The following NEK11 variants were observed in gnomAD, a reference collection of about 807,000 sequenced individuals.
The protein encoded by NEK11 is NIMA related kinase 11.
A neutral mutation model predicts 80.7 loss-of-function variants in NEK11; 72 were observed. That is an observed-to-expected ratio of 0.89 (90% confidence interval 0.74 to 1.08). The LOEUF (loss-of-function observed/expected upper bound fraction) is 1.08, where lower values mean the gene tolerates loss of function less well. Among genes scored for constraint, NEK11 ranks in the 50% least tolerant of loss-of-function variants. The pLI is 0.00. For missense variants in NEK11, 764 were observed against 763.6 expected, an observed-to-expected ratio of 1.00 and a Z score of -0.01; for synonymous variants, 251 against 260.7, an observed-to-expected ratio of 0.96 and a Z score of 0.36.
chr3:131,165,946 T>C (rs2092178335), intron 12 of NEK11, among the ~76,000 whole-genome samples: 1 of 152,250 alleles, frequency 6.6e-6, no homozygotes, highest in Non-Finnish European at 1.5e-5. Context: ...TTGTTGTACA[T>C]TGTGTTAATA....
chr3:131,168,607 C>T lies in NEK11; in HGVS notation c.1177-223C>T, dbSNP rs997941416. On this transcript the variant is annotated intron_variant, in intron 12 of 17. Transcript: ENST00000383366. ...TCCTGACCTCGTGATCCGCCCGCCT[C>T]GGCCTCCCAAAGTGCTGGGATTACA... 2.5e-4 allele frequency among the ~76,000 whole-genome samples: 38 copies of T among 151,916 alleles called. 1 individual carries two copies. The highest frequency in any genetic ancestry group is 2.9e-4 in the African/African-American group (12 of 41,370).
chr3:131,053,989 A>G (rs2068883621), intron 3 of NEK11, among the ~76,000 whole-genome samples: 1 of 152,256 alleles, frequency 6.6e-6, no homozygotes, highest in African/African-American at 2.4e-5. Flanking sequence ...AGTTGTGGTG[A>G]ACATCTTTCC....
chr3:131,311,909 A>G (rs2096785734), intron 17 of NEK11, among the ~76,000 whole-genome samples: 1 of 152,232 alleles, frequency 6.6e-6, no homozygotes, highest in South Asian at 2.1e-4. Flanking sequence ...GGAAGCCCAC[A>G]AAGTCTAGAG....
chr3:131,299,591 A>G (rs1391106613), intron 17 of NEK11, among the ~76,000 whole-genome samples: 2 of 152,242 alleles, frequency 1.3e-5, no homozygotes, highest in East Asian at 1.9e-4. Flanking sequence ...TGTATACTCA[A>G]TGTTTAGCTT....
At chr3:131,254,904 C>T (rs369407147) in intron 16 of NEK11, among the ~76,000 whole-genome samples, 124 of 152,040 alleles carry the variant, frequency 8.2e-4, no homozygotes, top group African/African-American at 2.7e-3. Context: ...CCTGTAATCC[C>T]AGCTTCTCAG....
intron 4 of NEK11, among the ~76,000 whole-genome samples, chr3:131,092,137 A>G (rs1310835695): frequency 6.6e-6 from 1 of 152,216 alleles, no homozygotes; most frequent in Non-Finnish European, 1.5e-5. Flanking sequence ...GTCTCTCAAA[A>G]TTGGGCATTG....
At chr3:131,097,783 C>A (rs1447732592) in intron 4 of NEK11, among the ~76,000 whole-genome samples, 1 of 130,706 alleles carries the variant, frequency 7.7e-6, no homozygotes, top group Non-Finnish European at 1.7e-5. Context: ...CAATGACTTT[C>A]TTCACAGAAT....
chr3:131,057,857 C>T (rs936008289), intron 3 of NEK11, among the ~76,000 whole-genome samples: 37 of 152,236 alleles, frequency 2.4e-4, no homozygotes, highest in African/African-American at 7.9e-4. Context: ...ACTCTGATGG[C>T]AGTTTCTTTT....
At chr3:131,158,986 C>G (rs1216224723) in intron 10 of NEK11, among the ~76,000 whole-genome samples, 1 of 152,198 alleles carries the variant, frequency 6.6e-6, no homozygotes. Flanking sequence ...CAGTACAAGT[C>G]TCCCAGAGTT....
At chr3:131,027,357 A>G (rs1322467081) in intron 1 of NEK11, 1 of 152,082 alleles carries the variant, frequency 6.6e-6, no homozygotes, top group Non-Finnish European at 1.5e-5. Context: ...TCAACTTGTG[A>G]TAAATACTCC....
At chr3:131,331,565 G>A (rs1370379986) in intron 17 of NEK11, among the ~76,000 whole-genome samples, 1 of 152,218 alleles carries the variant, frequency 6.6e-6, no homozygotes, top group Non-Finnish European at 1.5e-5. Flanking sequence ...ATTTCCATCT[G>A]AGGTACCAGG....
intron 4 of NEK11, among the ~76,000 whole-genome samples, chr3:131,104,130 G>A (rs1440402132): frequency 6.6e-6 from 1 of 152,186 alleles, no homozygotes; most frequent in African/African-American, 2.4e-5. Flanking sequence ...GATGGCTGTG[G>A]TGTGCTATAG....
chr3:131,322,276 A>G (rs1170187891), intron 17 of NEK11, among the ~76,000 whole-genome samples: 1 of 152,004 alleles, frequency 6.6e-6, no homozygotes, highest in African/African-American at 2.4e-5. Flanking sequence ...CTTATAGGCA[A>G]TGAAGACCAC....
chr3:131,099,741 G>T (rs1308269548), intron 4 of NEK11, among the ~76,000 whole-genome samples: 1 of 152,100 alleles, frequency 6.6e-6, no homozygotes, highest in Non-Finnish European at 1.5e-5. Flanking sequence ...TTTTAAATGG[G>T]ATTGTGTTCT....
intron 14 of NEK11, among the ~76,000 whole-genome samples, chr3:131,205,640 C>A (rs2094420402): frequency 6.6e-6 from 1 of 152,168 alleles, no homozygotes; most frequent in Non-Finnish European, 1.5e-5. Context: ...CCTCAAGAGG[C>A]AGACTTTTCA....
At chr3:131,334,023 A>G (rs939737158) in intron 17 of NEK11, among the ~76,000 whole-genome samples, 23 of 152,274 alleles carry the variant, frequency 1.5e-4, no homozygotes, top group African/African-American at 5.3e-4. Flanking sequence ...ATAATGGGAG[A>G]CTTTAACACC....
chr3:131,156,432 T>C (rs184143400), intron 10 of NEK11, among the ~76,000 whole-genome samples: 83 of 152,300 alleles, frequency 5.4e-4, no homozygotes, highest in African/African-American at 1.8e-3. Flanking sequence ...GCAAATGCCA[T>C]TGAGAATGTG....
intron 7 of NEK11, among the ~76,000 whole-genome samples, 200 bp from the exon 8 acceptor site, chr3:131,152,188 C>T (rs1158054043): frequency 1.3e-5 from 2 of 151,062 alleles, no homozygotes; most frequent in Non-Finnish European, 2.9e-5. Flanking sequence ...GTGCTTTATT[C>T]TTTCACTTTT....
chr3:131,148,482 A>G (rs151330482), intron 7 of NEK11, among the ~76,000 whole-genome samples: 35 of 152,064 alleles, frequency 2.3e-4, no homozygotes, highest in African/African-American at 7.9e-4. Flanking sequence ...TTTTCTTTGC[A>G]AGAGCTTTTT....
Sources: gnomAD v4.1 joint callset for allele counts (sites outside exome capture counted in the v4.1 genomes callset) on GRCh38, gnomAD v4.1.1 for gene constraint, MANE v1.5 for transcripts, NCBI Gene and HGNC (gene_info 2026-07-23, HGNC 2026-07-21) for gene names.